Variants in ERBIN observed in about 807,000 individuals in gnomAD.
The protein encoded by ERBIN is erbb2 interacting protein, also known as densin-180-like protein.
ERBIN carries 60 observed loss-of-function variants against 158.4 expected under a neutral mutation model. The observed-to-expected ratio is 0.38, with a 90% CI of 0.31 to 0.47. The LOEUF (loss-of-function observed/expected upper bound fraction) is 0.47. ERBIN is among the 20% of genes least tolerant of loss of function. ERBIN has a pLI of 0.99. For missense variants in ERBIN, 1,610 were observed against 1,648.0 expected, an observed-to-expected ratio of 0.98 and a Z score of 0.40; for synonymous variants, 594 against 557.2, an observed-to-expected ratio of 1.07 and a Z score of -0.93.
chr5:65,997,702 A>G (rs954715954), intron 4 of ERBIN, among the ~76,000 whole-genome samples: 1 of 152,224 alleles, frequency 6.6e-6, no homozygotes, highest in African/African-American at 2.4e-5. Context: ...AGTCCCACCA[A>G]GTTAGTGCAG....
At chr5:66,048,057 C>A (rs1027438143) in intron 18 of ERBIN, among the ~76,000 whole-genome samples, 2 of 151,466 alleles carry the variant, frequency 1.3e-5, no homozygotes, top group South Asian at 4.2e-4. Context: ...AATTTTAATT[C>A]GCAGATACAG....
At chr5:66,075,868 TAAAG>T (rs1340227154) in intron 23 of ERBIN, among the ~76,000 whole-genome samples, 1 of 152,140 alleles carries the variant, frequency 6.6e-6, no homozygotes, top group Non-Finnish European at 1.5e-5. Flanking sequence ...ATTTGATAAA[TAAAG>T]AGTTAGTATC....
intron 5 of ERBIN, among the ~76,000 whole-genome samples, chr5:66,012,606 A>G (rs556847727): frequency 5.9e-5 from 9 of 152,362 alleles, no homozygotes; most frequent in South Asian, 2.1e-4. Flanking sequence ...GTGAATGTCC[A>G]TTTATGATGG....
intron 1 of ERBIN, among the ~76,000 whole-genome samples, chr5:65,945,539 A>G (rs1352353687): frequency 6.6e-6 from 1 of 152,190 alleles, no homozygotes; most frequent in Non-Finnish European, 1.5e-5. Context: ...TGCCTGCCGT[A>G]TTTCAAACAC....
intron 25 of ERBIN, among the ~76,000 whole-genome samples, chr5:66,077,988 C>T (rs1435216928): frequency 6.6e-6 from 1 of 151,900 alleles, no homozygotes; most frequent in Non-Finnish European, 1.5e-5. Flanking sequence ...CATATTACAC[C>T]CTTAGAATTG....
At chr5:65,954,398 A>G (rs1746854567) in intron 1 of ERBIN, among the ~76,000 whole-genome samples, 1 of 152,164 alleles carries the variant, frequency 6.6e-6, no homozygotes, top group East Asian at 1.9e-4. Flanking sequence ...GATGAGAGTA[A>G]CAGGTGAGAG....
At chr5:66,071,562 C>T (rs1761532949) in intron 21 of ERBIN, among the ~76,000 whole-genome samples, 1 of 152,024 alleles carries the variant, frequency 6.6e-6, no homozygotes, top group Non-Finnish European at 1.5e-5. Context: ...ATCAATGTGG[C>T]AGAATTAAGC....
At chr5:65,928,207 AT>A (rs1012221862) in intron 1 of ERBIN, among the ~76,000 whole-genome samples, 36 of 145,088 alleles carry the variant, frequency 2.5e-4, no homozygotes, top group African/African-American at 8.6e-4. Flanking sequence ...TGTAGTTTTG[AT>A]TTTTTTTTTC....
chr5:66,042,342 AC>A (rs1757993729), intron 15 of ERBIN, among the ~76,000 whole-genome samples: 1 of 152,100 alleles, frequency 6.6e-6, no homozygotes, highest in Non-Finnish European at 1.5e-5. Flanking sequence ...ATAACAAAAA[AC>A]TGACAGTTGT....
chr5:66,056,779 T>A (rs1759625066), intron 21 of ERBIN, among the ~76,000 whole-genome samples: 1 of 152,010 alleles, frequency 6.6e-6, no homozygotes, highest in Admixed American at 6.6e-5. Flanking sequence ...TTACGAGGGG[T>A]GCTTGTTCTC....
intron 1 of ERBIN, among the ~76,000 whole-genome samples, chr5:65,963,042 T>G (rs1000340814): frequency 1.3e-5 from 2 of 152,206 alleles, no homozygotes; most frequent in African/African-American, 4.8e-5. Flanking sequence ...CTCATTTGAG[T>G]ATCAGGTCAT....
chr5:66,042,845 C>T (rs894411932), intron 15 of ERBIN, among the ~76,000 whole-genome samples: 1 of 151,936 alleles, frequency 6.6e-6, no homozygotes, highest in Non-Finnish European at 1.5e-5. Context: ...GAAAACAAGA[C>T]GAATCAGCTT....
At chr5:65,996,053 C>T (rs997870879) in intron 4 of ERBIN, among the ~76,000 whole-genome samples, 1 of 152,062 alleles carries the variant, frequency 6.6e-6, no homozygotes, top group East Asian at 1.9e-4. Context: ...TTCTCCCACT[C>T]CATAATCTGT....
At chr5:66,002,876 T>G (rs1753146019) in intron 4 of ERBIN, among the ~76,000 whole-genome samples, 1 of 152,242 alleles carries the variant, frequency 6.6e-6, no homozygotes. Flanking sequence ...GCCCAGCTGT[T>G]TTAATAAATC....
chr5:66,028,146 A>AT lies in ERBIN; in HGVS notation c.1137-119dup, dbSNP rs199690791. 2,983 of 549,390 alleles carry AT rather than the reference A, an allele frequency of 5.4e-3. 34 individuals carry two copies. Among genetic ancestry groups the AT allele is most frequent in the African/African-American group, 0.038 (1,969 of 51,336 alleles). The allele number at this position is 549,390 out of a possible 1,614,324, so 34.0% of individuals were successfully genotyped here. ...GAAGAATTATATTGGACTTTTCTCG[A>AT]TTTTTTTTTCTCCTATTTTCATGTG... On this transcript the variant is annotated intron_variant, in intron 13 of 25. Transcript: ENST00000284037.
chr5:65,971,504 A>G (rs1331851545), intron 1 of ERBIN, among the ~76,000 whole-genome samples: 1 of 152,188 alleles, frequency 6.6e-6, no homozygotes, highest in Non-Finnish European at 1.5e-5. Context: ...CCTTGGATGA[A>G]AGTAACCAAA....
intron 6 of ERBIN, 92 bp from the exon 7 acceptor site, chr5:66,014,577 A>T (rs905764685): frequency 1.7e-6 from 1 of 606,036 alleles, no homozygotes; most frequent in Admixed American, 3.7e-5. Context: ...TTACACAATT[A>T]CATTGCTTCC....
chr5:65,970,551 A>G (rs1445395372), intron 1 of ERBIN, among the ~76,000 whole-genome samples: 2 of 152,072 alleles, frequency 1.3e-5, no homozygotes, highest in Non-Finnish European at 2.9e-5. Flanking sequence ...TTCCCTTACC[A>G]CCAGACTATT....
intron 13 of ERBIN, among the ~76,000 whole-genome samples, chr5:66,027,953 C>T (rs1180039879): frequency 6.6e-6 from 1 of 152,006 alleles, no homozygotes; most frequent in Non-Finnish European, 1.5e-5. Flanking sequence ...TGTTATGAGA[C>T]ATTCCTTAAT....
Sources: gnomAD v4.1 joint callset for allele counts (sites outside exome capture counted in the v4.1 genomes callset) on GRCh38, gnomAD v4.1.1 for gene constraint, MANE v1.5 for transcripts, NCBI Gene and HGNC (gene_info 2026-07-23, HGNC 2026-07-21) for gene names.